The following RIN2 variants were observed in gnomAD, a reference collection of about 807,000 sequenced individuals.
RIN2 encodes the protein Ras and Rab interactor 2, also known as RAB5 interacting protein 2.
In RIN2, 36 loss-of-function variants were observed where a neutral mutation model predicts 78.0. That is an observed-to-expected ratio of 0.46 (90% CI 0.35 to 0.61). The LOEUF is 0.61. Ranked by LOEUF, RIN2 falls within the 20% of genes least tolerant of loss-of-function variation. The pLI is 0.00. For synonymous variants in RIN2, 466 were observed against 466.8 expected (o/e 1.00, Z 0.02); for missense variants, 1,087 against 1,159.7 (o/e 0.94, Z 0.91).
chr20:19,758,929 G>A (rs1018200564), intron 1 of RIN2, among the ~76,000 whole-genome samples: 2 of 152,218 alleles, frequency 1.3e-5, no homozygotes, highest in Admixed American at 1.3e-4. Context: ...TGTCCGGGCA[G>A]GGGGCACTTG....
At chr20:19,909,571 G>A (rs544291890) in intron 3 of RIN2, among the ~76,000 whole-genome samples, 3 of 152,202 alleles carry the variant, frequency 2.0e-5, no homozygotes, top group South Asian at 2.1e-4. Context: ...CCTACTCCCC[G>A]CTGGCATGGG....
At chr20:19,781,357 A>T (rs1478546558) in intron 1 of RIN2, among the ~76,000 whole-genome samples, 2 of 152,190 alleles carry the variant, frequency 1.3e-5, no homozygotes, top group East Asian at 3.8e-4. Flanking sequence ...ATCGATAATG[A>T]CTTTGCAATA....
chr20:19,936,310 T>A (rs2040641848), intron 4 of RIN2, among the ~76,000 whole-genome samples: 1 of 152,228 alleles, frequency 6.6e-6, no homozygotes, highest in African/African-American at 2.4e-5. Flanking sequence ...TGTGAAAGTC[T>A]TATTTTTTCC....
At chr20:19,900,641 G>GA (rs2038936303) in intron 3 of RIN2, among the ~76,000 whole-genome samples, 1 of 141,748 alleles carries the variant, frequency 7.1e-6, no homozygotes. Flanking sequence ...TAAAAAAAAA[G>GA]AAAAAACAAA....
Position 19,772,049 on chromosome 20 carries a change from G to A in RIN2, c.-163+13722G>A, listed in dbSNP as rs184411138. ...CTGCTTCCGTGGATAGAACAGATGC[G>A]CGCTCTCAGTTATGCAGTCCACCCA... is the stretch of plus-strand genomic sequence containing the variant. On this transcript the variant is annotated intron_variant, in intron 1 of 12. Coordinates refer to ENST00000255006, the MANE Select transcript of RIN2 (RefSeq NM_018993.4). 7.3e-5 allele frequency among the ~76,000 whole-genome samples: 11 copies of A among 151,334 alleles called. No individual in the cohort carries two copies. The East Asian group carries it at 1.6e-3, about 21-fold the overall frequency.
chr20:19,980,401 T>C (rs1193099243), intron 9 of RIN2, among the ~76,000 whole-genome samples: 1 of 151,890 alleles, frequency 6.6e-6, no homozygotes, highest in Admixed American at 6.6e-5. Context: ...ACCCCTGGAG[T>C]TGTGACTCTC....
At chr20:19,957,679 C>G (rs417965) in intron 5 of RIN2, among the ~76,000 whole-genome samples, 2 of 142,410 alleles carry the variant, frequency 1.4e-5, no homozygotes, top group South Asian at 2.3e-4. Context: ...TCTGTCCCCC[C>G]CAAAAAAAAA....
chr20:19,910,354 G>A (rs1341600141), intron 3 of RIN2, among the ~76,000 whole-genome samples: 1 of 151,162 alleles, frequency 6.6e-6, no homozygotes, highest in Non-Finnish European at 1.5e-5. Flanking sequence ...TGTATTTTTA[G>A]TGGAGTCAGG....
At chr20:19,798,635 C>T (rs544185623) in intron 1 of RIN2, among the ~76,000 whole-genome samples, 17 of 151,936 alleles carry the variant, frequency 1.1e-4, no homozygotes, top group Middle Eastern at 3.4e-3. Context: ...TGTGTGTGCA[C>T]GTGTGTGCAT....
intron 3 of RIN2, among the ~76,000 whole-genome samples, chr20:19,925,465 A>G (rs1245396339): frequency 1.3e-5 from 2 of 152,246 alleles, no homozygotes; most frequent in East Asian, 3.8e-4. Context: ...TTCTATCATC[A>G]TTAAAAGCTT....
At chr20:19,939,539 C>T (rs199546) in intron 4 of RIN2, among the ~76,000 whole-genome samples, 2,065 of 152,306 alleles carry the variant, frequency 0.014, 44 homozygotes, top group African/African-American at 0.048. Context: ...AATTTTGCAT[C>T]TAAAACCAAA....
At chr20:19,770,404 C>T (rs562772838) in intron 1 of RIN2, among the ~76,000 whole-genome samples, 1 of 152,122 alleles carries the variant, frequency 6.6e-6, no homozygotes, top group Non-Finnish European at 1.5e-5. Context: ...TGTTTACATG[C>T]CATGTGAAAA....
At chr20:19,825,227 A>G (rs1482559015) in intron 2 of RIN2, among the ~76,000 whole-genome samples, 1 of 152,106 alleles carries the variant, frequency 6.6e-6, no homozygotes, top group Non-Finnish European at 1.5e-5. Flanking sequence ...TTGTGTAGTT[A>G]ATCTCTACTT....
intron 2 of RIN2, among the ~76,000 whole-genome samples, chr20:19,849,732 A>C (rs1465225884): frequency 2.0e-5 from 3 of 152,132 alleles, no homozygotes; most frequent in African/African-American, 7.2e-5. Flanking sequence ...CCCAAAAGGA[A>C]ATAGTTTTAA....
intron 2 of RIN2, among the ~76,000 whole-genome samples, chr20:19,855,976 A>G (rs2037152861): frequency 6.6e-6 from 1 of 152,190 alleles, no homozygotes; most frequent in Non-Finnish European, 1.5e-5. Flanking sequence ...CGGGAGGCTG[A>G]GGCAGGAGAA....
At chr20:19,883,389 G>C (rs1197071709) in intron 2 of RIN2, among the ~76,000 whole-genome samples, 2 of 149,208 alleles carry the variant, frequency 1.3e-5, no homozygotes, top group Non-Finnish European at 3.0e-5. Context: ...ACCCAGGCTG[G>C]AGTGCAGCGG....
chr20:19,977,355 C>T (rs979232103), intron 9 of RIN2, among the ~76,000 whole-genome samples: 1 of 152,184 alleles, frequency 6.6e-6, no homozygotes, highest in East Asian at 1.9e-4. Flanking sequence ...TAGTTAAATT[C>T]GGATGTGGTA....
At chr20:19,788,852 G>A (rs1005733147) in intron 1 of RIN2, among the ~76,000 whole-genome samples, 6 of 152,028 alleles carry the variant, frequency 3.9e-5, no homozygotes, top group South Asian at 2.1e-4. Flanking sequence ...AGTGATCTAC[G>A]GACTCATTAA....
At chr20:19,891,527 A>G (rs1412288392) in intron 3 of RIN2, among the ~76,000 whole-genome samples, 1 of 152,190 alleles carries the variant, frequency 6.6e-6, no homozygotes, top group African/African-American at 2.4e-5. Flanking sequence ...AGGCAAAAGA[A>G]GAAAATGGAG....
Sources: gnomAD v4.1 joint callset for allele counts (sites outside exome capture counted in the v4.1 genomes callset) on GRCh38, gnomAD v4.1.1 for gene constraint, MANE v1.5 for transcripts, NCBI Gene and HGNC (gene_info 2026-07-23, HGNC 2026-07-21) for gene names.